SLC25A10: variants seen among roughly 807,000 people sequenced by gnomAD.
The protein encoded by SLC25A10 is mitochondrial dicarboxylate carrier.
SLC25A10 carries 32 observed loss-of-function variants against 40.4 expected under a neutral mutation model. That is an observed-to-expected ratio of 0.79 (90% confidence interval 0.60 to 1.06). SLC25A10 has a LOEUF of 1.06. Ranked by LOEUF, SLC25A10 falls within the 50% of genes least tolerant of loss-of-function variation. The pLI is 0.00. For synonymous variants in SLC25A10, 181 were observed against 171.1 expected (o/e 1.06, Z -0.45); for missense variants, 394 against 402.6 (o/e 0.98, Z 0.18).
In SLC25A10 at chr17:81,715,610, AG is replaced by A. The variant is rs770152150; in HGVS notation, c.328+23del. The A allele has an allele frequency of 1.4e-6, 2 of 1,480,810 alleles. No homozygotes were observed. Among genetic ancestry groups the A allele is most frequent in the South Asian group, 2.3e-5 (2 of 88,188 alleles). The allele number at this position is 1,480,810 out of a possible 1,614,324, so 91.7% of individuals were successfully genotyped here. On this transcript the variant is annotated intron_variant, in intron 3 of 10. Transcript: ENST00000350690. ...CGTCAGCGGTGAGCTGCCGGGCGGG[AG>A]GGGGAGGGGCGCGGGGTGGTCAGGT...
intron 6 of SLC25A10, 63 bp downstream of exon 6, chr17:81,716,918 A>G (rs2037498867): frequency 3.7e-6 from 6 of 1,604,368 alleles, no homozygotes; most frequent in Middle Eastern, 1.7e-4. Context: ...GCAGCGCTGT[A>G]GAAGACTGGG....
At position 81,715,191 on chromosome 17, in the gene SLC25A10, G is replaced by A. The variant is rs985697602; in HGVS notation, c.213+119G>A. ...CAAGGAAGGACCCACCAGGCCGAGA[G>A]CTGGTGACCCCAGGGTGCGCCTCCC... On this transcript the variant is annotated intron_variant, in intron 2 of 10. Transcript: ENST00000350690. 3.5e-6 allele frequency: 5 copies of A among 1,428,916 alleles called. No homozygotes were observed. The South Asian group carries it at 5.3e-5, about 15-fold the overall frequency. 88.5% of individuals were successfully genotyped at this position (1,428,916 alleles called of 1,614,324 possible).
intron 2 of SLC25A10, 58 bp from the exon 3 acceptor site, chr17:81,715,420 G>C (rs2031948719): frequency 2.1e-5 from 31 of 1,455,448 alleles, no homozygotes; most frequent in Non-Finnish European, 2.9e-5. Context: ...GGGCCGGGTG[G>C]CGAGGCTGAG....
At chr17:81,718,078 G>T (rs2037521996) in intron 9 of SLC25A10, among the ~76,000 whole-genome samples, 2 of 152,188 alleles carry the variant, frequency 1.3e-5, no homozygotes, top group African/African-American at 4.8e-5. Flanking sequence ...CGGCGCAGTG[G>T]CTCATGCCTG....
Position 81,716,035 on chromosome 17 carries a change from A to C in SLC25A10, c.404A>C (p.Gln135Pro). The C allele has an allele frequency of 6.3e-7, 1 of 1,597,696 alleles. No homozygotes were observed. ...ATGCAGAACGACGTGAAGCTGCCCC[A>C]GGGTCAGCGGCGCAAGTGAGTCATG... ...VRMQNDVKLP[Q>P]GQRRNYAHAL... is the part of the protein sequence containing the mutation. Residue 135 changes from glutamine (Q) to proline (P), a missense_variant, in exon 5 of 11, where the codon CAG (glutamine) becomes CCG (proline). Gln to Pro is a moderately conservative substitution (Grantham distance 76). Transcript: ENST00000350690.
At chr17:81,716,699 A>G (rs1376364310) in intron 5 of SLC25A10, 113 bp from the exon 6 acceptor site, 3 of 1,056,282 alleles carry the variant, frequency 2.8e-6, no homozygotes, top group African/African-American at 3.1e-5. Flanking sequence ...CTTCAGGCCC[A>G]TGAGGCCTCT....
In SLC25A10 at chr17:81,715,046, G is replaced by T. The variant is rs535939973; in HGVS notation, c.187G>T (p.Gly63Cys). ...RTDGILALYS[G>C]LSASLCRQMT... Reference sequence around the variant, plus strand: ...CGACGGCATCCTGGCACTCTACAGCGGCCTGAGCGCCTCGCTGTGCAGACA... The same window carrying T: ...CGACGGCATCCTGGCACTCTACAGCTGCCTGAGCGCCTCGCTGTGCAGACA... The change falls in exon 2 of 11, where the codon GGC becomes TGC. Residue 63 changes from glycine to cysteine, a missense_variant. Transcript: ENST00000350690. 1 of 1,610,138 alleles carries T rather than the reference G, an allele frequency of 6.2e-7. No homozygotes were observed. Among genetic ancestry groups the T allele is most frequent in the Admixed American group, 1.7e-5 (1 of 60,006 alleles).
In SLC25A10 at chr17:81,720,539, A is replaced by C; in HGVS notation, c.*462A>C. 7.8e-7 allele frequency: 1 copy of C among 1,284,044 alleles called. No individual in the cohort carries two copies. Among genetic ancestry groups the C allele is most frequent in the Non-Finnish European group, 9.8e-7 (1 of 1,019,122 alleles). The allele number at this position is 1,284,044 out of a possible 1,614,324, so 79.5% of individuals were successfully genotyped here. A position where few individuals can be genotyped will look rare whatever the true frequency, so the allele number is the denominator to read the frequency against. On this transcript the variant is annotated 3_prime_UTR_variant, in exon 11 of 11. Transcript: ENST00000350690. The stretch of plus-strand genomic sequence containing the variant: ...CTAGCTCTGCACTTCGTGTCTGCTG[A>C]GAGCAACCAGACCTTCCATGTCCTC...
intron 2 of SLC25A10, 142 bp downstream of exon 2, chr17:81,715,214 C>A: frequency 8.0e-7 from 1 of 1,257,252 alleles, no homozygotes; most frequent in Non-Finnish European, 1.1e-6. Context: ...GGGTGCGCCT[C>A]CCATGGGCAC....
At chr17:81,717,718 T>G in intron 8 of SLC25A10, 66 bp from the exon 9 acceptor site, 1 of 1,549,288 alleles carries the variant, frequency 6.5e-7, no homozygotes, top group Non-Finnish European at 8.8e-7. Flanking sequence ...TTCTGGCACG[T>G]GGGTGGGATT....
At chr17:81,712,903 T>C (rs1369177132) in intron 1 of SLC25A10, among the ~76,000 whole-genome samples, 1 of 152,252 alleles carries the variant, frequency 6.6e-6, no homozygotes, top group Non-Finnish European at 1.5e-5. Flanking sequence ...GGGGGAGTTC[T>C]GTGAGGTGCA....
Position 81,712,484 on chromosome 17 carries a change from G to A in SLC25A10, c.58G>A (p.Ala20Thr). 4 of 1,301,346 alleles carry A rather than the reference G, an allele frequency of 3.1e-6. No homozygotes were observed. Among genetic ancestry groups the A allele is most frequent in the South Asian group, 4.7e-5 (2 of 42,926 alleles). The allele number at this position is 1,301,346 out of a possible 1,614,324, so 80.6% of individuals were successfully genotyped here. ...WYFGGLASCG[A>T]ACCTHPLDLL... Reference sequence around the variant, plus strand: ...CTTCGGGGGGCTGGCCTCCTGCGGGGCCGCCTGCTGCACGCACCCGCTGGA... The same window carrying A: ...CTTCGGGGGGCTGGCCTCCTGCGGGACCGCCTGCTGCACGCACCCGCTGGA... The change falls in exon 1 of 11, where the codon GCC becomes ACC. Residue 20 changes from alanine (A) to threonine (T), a missense_variant. By Grantham distance (58) the Ala-to-Thr change is moderately conservative. Coordinates refer to ENST00000350690, the MANE Select transcript of SLC25A10 (RefSeq NM_012140.5).
chr17:81,715,343 G>C, intron 2 of SLC25A10, 135 bp from the exon 3 acceptor site: 1 of 846,986 alleles, frequency 1.2e-6, no homozygotes, highest in East Asian at 2.4e-5. Context: ...CCGCATGCTG[G>C]CACAGTGGCC....
chr17:81,713,058 C>T (rs1299479686), intron 1 of SLC25A10, among the ~76,000 whole-genome samples: 2 of 152,214 alleles, frequency 1.3e-5, no homozygotes, highest in African/African-American at 4.8e-5. Context: ...GGGCTGCTTC[C>T]TTCGGAGAGC....
intron 5 of SLC25A10, 113 bp downstream of exon 5, chr17:81,716,163 T>C: frequency 8.3e-7 from 1 of 1,198,458 alleles, no homozygotes; most frequent in Non-Finnish European, 1.2e-6. Context: ...CCGAGGTGCC[T>C]GCACGGTCCA....
intron 2 of SLC25A10, 75 bp downstream of exon 2, chr17:81,715,147 C>G: frequency 6.4e-7 from 1 of 1,564,956 alleles, no homozygotes; most frequent in Non-Finnish European, 8.6e-7. Context: ...TACTTCCGTC[C>G]CCTTTTCAAG....
At chr17:81,716,488 G>A (rs1426808364) in intron 5 of SLC25A10, among the ~76,000 whole-genome samples, 1 of 152,226 alleles carries the variant, frequency 6.6e-6, no homozygotes, top group African/African-American at 2.4e-5. Context: ...GGACCCCTGG[G>A]GAGTTCTGGC....
In SLC25A10 at chr17:81,715,678, T is replaced by G; in HGVS notation, c.329-15T>G. 2 of 1,612,834 alleles carry G rather than the reference T, an allele frequency of 1.2e-6. No homozygotes were observed. The highest frequency in any genetic ancestry group is 1.7e-6 in the Non-Finnish European group (2 of 1,179,786). ...GTGTCAGCACGGCTCATCTCTGGGG[T>G]TTGTGTCACCGCAGGTTTAGCTGGA... On this transcript the variant is annotated splice_polypyrimidine_tract_variant and intron_variant, in intron 3 of 10. Transcript: ENST00000350690.
chr17:81,719,692 C>A, intron 9 of SLC25A10, 139 bp from the exon 10 acceptor site: 1 of 1,004,778 alleles, frequency 1.0e-6, no homozygotes, highest in Non-Finnish European at 1.5e-6. Context: ...CAGCAGCCGC[C>A]GCTCACACCC....
Sources: gnomAD v4.1 joint callset for allele counts (sites outside exome capture counted in the v4.1 genomes callset) on GRCh38, gnomAD v4.1.1 for gene constraint, MANE v1.5 for transcripts, NCBI Gene and HGNC (gene_info 2026-07-23, HGNC 2026-07-21) for gene names.